ZFP37: variants seen among roughly 807,000 people sequenced by gnomAD.
ZFP37 encodes the protein zinc finger protein 37 homolog.
A neutral mutation model predicts 52.1 loss-of-function variants in ZFP37; 38 were observed. The observed-to-expected ratio is 0.73, with a 90% confidence interval of 0.56 to 0.96. The LOEUF is 0.96. Among genes scored for constraint, ZFP37 ranks in the 40% least tolerant of loss-of-function variants. The pLI, the probability that ZFP37 is intolerant of heterozygous loss-of-function variation, is 0.00. For synonymous variants in ZFP37, 253 were observed against 259.5 expected (o/e 0.98, Z 0.24); for missense variants, 695 against 741.4 (o/e 0.94, Z 0.73).
intron 3 of ZFP37, among the ~76,000 whole-genome samples, chr9:113,047,154 T>C (rs1828972721): frequency 6.6e-6 from 1 of 151,014 alleles, no homozygotes; most frequent in Non-Finnish European, 1.5e-5. Flanking sequence ...AGAGTCACTG[T>C]AGCAATTATA....
intron 2 of ZFP37, 121 bp downstream of exon 2, chr9:113,049,670 C>G (rs1829022078): frequency 6.9e-7 from 1 of 1,458,782 alleles, no homozygotes. Context: ...AATATCCTGC[C>G]TAGTACCCAA....
At chr9:113,045,013 C>T (rs1828926830) in intron 3 of ZFP37, among the ~76,000 whole-genome samples, 1 of 152,108 alleles carries the variant, frequency 6.6e-6, no homozygotes. Context: ...GCTGAACTAT[C>T]TTGCCCTTAG....
At position 113,042,755 on chromosome 9, in the gene ZFP37, T is replaced by C. The variant is rs756940625; in HGVS notation, c.1863A>G (p.Lys621=). ...KQNASLTKHV[K]THSEDKSHE is the part of the protein sequence containing the mutation. ...CATGAGATTTATCTTCTGAATGAGT[T>C]TTCACATGTTTGGTTAGGGATGCAT... Residue 621 remains lysine (K), a synonymous_variant, in exon 4 of 4, where the codon AAA becomes AAG. Transcript: ENST00000374227. The C allele has an allele frequency of 6.3e-7, 1 of 1,585,360 alleles. No homozygotes were observed. Among genetic ancestry groups the C allele is most frequent in the Non-Finnish European group, 8.6e-7 (1 of 1,166,884 alleles).
rs780702339 is a variant in ZFP37, at chr9:113,043,808, T to C, written c.810A>G (p.Lys270=). 3.7e-6 allele frequency: 6 copies of C among 1,613,944 alleles called. No homozygotes were observed. Among genetic ancestry groups the C allele is most frequent in the Non-Finnish European group, 5.1e-6 (6 of 1,179,974 alleles). ...IKQDKIQTGE[K]HEKSPSLSSS... ...AGCTAAGGCTGGGTGATTTCTCATG[T>C]TTCTCTCCAGTTTGAATTTTGTCCT... Residue 270 remains lysine (K), a synonymous_variant, in exon 4 of 4, where the codon AAA becomes AAG. Coordinates refer to ENST00000374227, the MANE Select transcript of ZFP37 (RefSeq NM_003408.3).
chr9:113,055,860 A>G (rs905369604), intron 1 of ZFP37, among the ~76,000 whole-genome samples: 2 of 152,218 alleles, frequency 1.3e-5, no homozygotes, highest in Admixed American at 1.3e-4. Context: ...TAATCACCTC[A>G]TTACTCAAAG....
At position 113,044,122 on chromosome 9, in the gene ZFP37, T is replaced by C; in HGVS notation, c.496A>G (p.Lys166Glu). The change falls in exon 4 of 4, where the codon AAA (lysine) becomes GAA (glutamate). Residue 166 changes from lysine to glutamate, a missense_variant. Transcript: ENST00000374227. ...SLGKKNNLHK[K>E]HVPSKKRLLK... ...AGCCTTTTCTTTGAAGGAACATGTT[T>C]TTTATGCAAATTATTTTTTTTCCCC... 6 of 1,611,738 alleles carry C rather than the reference T, an allele frequency of 3.7e-6. No homozygotes were observed. The highest frequency in any genetic ancestry group is 5.1e-6 in the Non-Finnish European group (6 of 1,179,466).
Position 113,049,387 on chromosome 9 carries a change from T to G in ZFP37, c.324A>C (p.Arg108Ser). 1 of 1,614,070 alleles carries G rather than the reference T, an allele frequency of 6.2e-7. No individual in the cohort carries two copies. Among genetic ancestry groups the G allele is most frequent in the South Asian group, 1.1e-5 (1 of 91,046 alleles). ...PSQGCPSKIA[R>S]PKQKETDGKV... is the part of the protein sequence containing the mutation. ...TTCCATCAGTTTCTTTTTGCTTGGG[T>G]CTTGCTATTTTACTTGGACAACCTT... The change falls in exon 3 of 4, where the codon AGA (arginine) becomes AGC (serine). Residue 108 changes from arginine (R) to serine (S), a missense_variant. Arg to Ser is a moderately radical substitution (Grantham distance 110). Coordinates refer to ENST00000374227, the MANE Select transcript of ZFP37 (RefSeq NM_003408.3).
intron 3 of ZFP37, among the ~76,000 whole-genome samples, chr9:113,046,914 C>T (rs892891589): frequency 6.6e-6 from 1 of 152,032 alleles, no homozygotes; most frequent in Non-Finnish European, 1.5e-5. Flanking sequence ...CGAGACCATC[C>T]TAGCTAACAC....
Position 113,041,665 on chromosome 9 carries a change from T to A in ZFP37, c.*1060A>T, listed in dbSNP as rs1049377585. 6.6e-6 allele frequency: 1 copy of A among 152,240 alleles called. No individual in the cohort carries two copies. Among genetic ancestry groups the A allele is most frequent in the Non-Finnish European group, 1.5e-5 (1 of 68,048 alleles). 9.4% of individuals were successfully genotyped at this position (152,240 alleles called of 1,614,324 possible). A position where few individuals can be genotyped will look rare whatever the true frequency, so the allele number is the denominator to read the frequency against. On this transcript the variant is annotated 3_prime_UTR_variant, in exon 4 of 4. Coordinates refer to ENST00000374227, the MANE Select transcript of ZFP37 (RefSeq NM_003408.3). ...TTGTGTGTGATAGAAAAAGTCTTTA[T>A]GAATTCAACATCAAGTTTCATACTA...
In ZFP37 at chr9:113,043,772, C is replaced by A. The variant is rs1269552130; in HGVS notation, c.846G>T (p.Lys282Asn). Reference sequence around the variant, plus strand: ...TCACACAAGCTTGAGGTTTTTCATGCTTAGTAGATGAGCTAAGGCTGGGTG... The same window carrying A: ...TCACACAAGCTTGAGGTTTTTCATGATTAGTAGATGAGCTAAGGCTGGGTG... ...EKSPSLSSST[K>N]HEKPQACVKP... The change falls in exon 4 of 4, where the codon AAG becomes AAT. Residue 282 changes from lysine (K) to asparagine (N), a missense_variant. Transcript: ENST00000374227. The A allele has an allele frequency of 6.2e-7, 1 of 1,613,970 alleles. No individual in the cohort carries two copies. The highest frequency in any genetic ancestry group is 2.2e-5 in the East Asian group (1 of 44,878).
chr9:113,046,025 G>C (rs1293175651), intron 3 of ZFP37, among the ~76,000 whole-genome samples: 5 of 151,978 alleles, frequency 3.3e-5, no homozygotes, highest in African/African-American at 1.2e-4. Context: ...AAACCAAAAA[G>C]AGTTACGGTA....
At chr9:113,046,164 A>G (rs1286990929) in intron 3 of ZFP37, among the ~76,000 whole-genome samples, 1 of 149,966 alleles carries the variant, frequency 6.7e-6, no homozygotes, top group Non-Finnish European at 1.5e-5. Context: ...ACAGATATAT[A>G]TCTATATATA....
chr9:113,047,186 G>A (rs1273156254), intron 3 of ZFP37, among the ~76,000 whole-genome samples: 1 of 151,998 alleles, frequency 6.6e-6, no homozygotes, highest in South Asian at 2.1e-4. Flanking sequence ...AGTGACTCAG[G>A]ATTGTTTTTT....
rs1197959768 is a variant in ZFP37, at chr9:113,052,654, A to C, written c.133-2782T>G. 6.6e-6 allele frequency among the ~76,000 whole-genome samples: 1 copy of C among 152,158 alleles called. No homozygotes were observed. Among genetic ancestry groups the C allele is most frequent in the Non-Finnish European group, 1.5e-5 (1 of 68,018 alleles). ...TGTCTACTAGGGAAGCTCATTAGAG[A>C]CCAGTACTGCCTAGGGGTTTCACTG... is the stretch of plus-strand genomic sequence containing the variant. On this transcript the variant is annotated intron_variant, in intron 1 of 3. Transcript: ENST00000374227. This position sits in a 1 kb window ranked among gnomAD's most constrained non-coding sequence, Gnocchi z 4.1.
In ZFP37 at chr9:113,052,746, G is replaced by A. The variant is rs1312273891; in HGVS notation, c.133-2874C>T. Among the ~76,000 whole-genome samples the A allele has an allele frequency of 2.6e-5, 4 of 152,178 alleles. No homozygotes were observed. Among genetic ancestry groups the A allele is most frequent in the Non-Finnish European group, 4.4e-5 (3 of 68,020 alleles). ...ATTCCAGACTCCCAGAAGAAAGCAG[G>A]TGTTCAGCATAAACCACACTGTGTA... On this transcript the variant is annotated intron_variant, in intron 1 of 3. Transcript: ENST00000374227. The surrounding 1 kb of genome is among the most constrained non-coding windows in gnomAD (Gnocchi z 4.1).
In ZFP37 at chr9:113,049,419, G is replaced by A. The variant is rs759244409; in HGVS notation, c.292C>T (p.Pro98Ser). The A allele has an allele frequency of 6.2e-7, 1 of 1,614,092 alleles. No individual in the cohort carries two copies. Among genetic ancestry groups the A allele is most frequent in the South Asian group, 1.1e-5 (1 of 91,082 alleles). ...ATTTTACTTGGACAACCTTGACTGG[G>A]TCTTTTCCCCTTCCCCAACCATGGT... ...EAPWLGKGKR[P>S]SQGCPSKIAR... The change falls in exon 3 of 4, where the codon CCC becomes TCC. Residue 98 changes from proline to serine, a missense_variant. This residue lies in a region of ZFP37 where 369 missense variants were observed against 340.9 expected (regional missense o/e 1.08). Transcript: ENST00000374227.
Position 113,042,715 on chromosome 9 carries a change from C to T in ZFP37, c.*10G>A. On this transcript the variant is annotated 3_prime_UTR_variant, in exon 4 of 4. Coordinates refer to ENST00000374227, the MANE Select transcript of ZFP37 (RefSeq NM_003408.3). Reference sequence around the variant, plus strand: ...CCTTAAATTTAGTTAACAAATTTCCCACATTAACTTCACTCATGAGATTTA... The same window carrying T: ...CCTTAAATTTAGTTAACAAATTTCCTACATTAACTTCACTCATGAGATTTA... 8.5e-6 allele frequency: 13 copies of T among 1,529,520 alleles called. No individual in the cohort carries two copies. The highest frequency in any genetic ancestry group is 1.1e-5 in the Non-Finnish European group (12 of 1,142,328). The allele number at this position is 1,529,520 out of a possible 1,614,324, so 94.7% of individuals were successfully genotyped here.
intron 1 of ZFP37, among the ~76,000 whole-genome samples, chr9:113,054,395 A>G (rs1027255043): frequency 7.9e-5 from 12 of 151,876 alleles, no homozygotes; most frequent in African/African-American, 2.9e-4. Context: ...TCTCTTCCCT[A>G]TCTGTCTTCT....
rs34498194 is a variant in ZFP37, at chr9:113,050,468, CAAAAAAAA to C, written c.133-604_133-597del. On this transcript the variant is annotated intron_variant, in intron 1 of 3. Coordinates refer to ENST00000374227, the MANE Select transcript of ZFP37 (RefSeq NM_003408.3). ...CATATCGGAGAGAAAGACAAATAGC[CAAAAAAAA>C]AAAAAAAAAAGAAAAAAGGAACAGA... 2.0e-3 allele frequency among the ~76,000 whole-genome samples: 240 copies of C among 121,652 alleles called. 1 individual carries two copies. The highest frequency in any genetic ancestry group is 9.2e-3 in the Middle Eastern group (2 of 218). 79.8% of individuals were successfully genotyped at this position (121,652 alleles called of 152,430 possible). A position where few individuals can be genotyped will look rare whatever the true frequency, so the allele number is the denominator to read the frequency against.
Sources: gnomAD v4.1 joint callset for allele counts (sites outside exome capture counted in the v4.1 genomes callset) on GRCh38, gnomAD v4.1.1 for gene constraint, gnomAD v4.1.1 regional missense constraint, Gnocchi (gnomAD v3.1) non-coding constraint, MANE v1.5 for transcripts, NCBI Gene and HGNC (gene_info 2026-07-23, HGNC 2026-07-21) for gene names.